The following KIF21B variants were observed in gnomAD, a reference collection of about 807,000 sequenced individuals.
KIF21B encodes kinesin family member 21B, also known as kinesin-like protein KIF21B.
Under a neutral mutation model 192.9 loss-of-function variants are expected in KIF21B, and 85 were observed. The ratio of observed to expected loss-of-function variants is 0.44; its 90% CI spans 0.37 to 0.53. The LOEUF is 0.53. KIF21B is among the 20% of genes least tolerant of loss of function. KIF21B has a pLI of 0.00. For synonymous variants in KIF21B, 832 were observed against 884.6 expected, an observed-to-expected ratio of 0.94 and a Z score of 1.05; for missense variants, 1,716 against 2,194.8, an observed-to-expected ratio of 0.78 and a Z score of 4.36.
intron 17 of KIF21B, 77 bp downstream of exon 17, chr1:200,991,580 G>A (rs1656699245): frequency 7.0e-7 from 1 of 1,437,726 alleles, no homozygotes; most frequent in African/African-American, 1.4e-5. Flanking sequence ...GCCCAAAAGA[G>A]AAGGCAAGCA....
chr1:200,995,773 T>C (rs910302156), intron 15 of KIF21B, among the ~76,000 whole-genome samples: 4 of 152,234 alleles, frequency 2.6e-5, no homozygotes, highest in Non-Finnish European at 4.4e-5. Context: ...GCCTGGAGCC[T>C]GGCCATAGTA....
At chr1:201,002,528 A>C in intron 8 of KIF21B, 178 bp from the exon 9 acceptor site, 1 of 578,158 alleles carries the variant, frequency 1.7e-6, no homozygotes, top group Non-Finnish European at 3.1e-6. Context: ...GTGATCAAAA[A>C]CCTTACACAG....
In KIF21B at chr1:201,017,935, G is replaced by T. The variant is rs1400817214; in HGVS notation, c.41+5408C>A. 6.6e-6 allele frequency among the ~76,000 whole-genome samples: 1 copy of T among 152,190 alleles called. No homozygotes were observed. The highest frequency in any genetic ancestry group is 2.4e-5 in the African/African-American group (1 of 41,438). On this transcript the variant is annotated intron_variant, in intron 1 of 34. Transcript: ENST00000461742. The surrounding 1 kb of genome is among the most constrained non-coding windows in gnomAD (Gnocchi z 4.1). The stretch of plus-strand genomic sequence containing the variant: ...ACTGCAGCCAACACTGCTGCCGCCT[G>T]CCCTGGAGCTTCACATAGGGATTGA...
intron 27 of KIF21B, 105 bp downstream of exon 27, chr1:200,984,754 C>T: frequency 1.4e-6 from 1 of 727,902 alleles, no homozygotes; most frequent in Non-Finnish European, 2.2e-6. Flanking sequence ...GAACTTCAGG[C>T]TGGGGTTGGC....
At chr1:201,006,536 C>T (rs1194871362) in intron 3 of KIF21B, among the ~76,000 whole-genome samples, 1 of 152,030 alleles carries the variant, frequency 6.6e-6, no homozygotes, top group Non-Finnish European at 1.5e-5. Context: ...AGAAATACCC[C>T]ACATGAATGG....
In KIF21B at chr1:200,991,090, T is replaced by A; in HGVS notation, c.2514A>T (p.Gly838=). The change falls in exon 18 of 35, where the codon GGA becomes GGT. Residue 838 remains glycine, a synonymous_variant. Coordinates refer to ENST00000461742, the MANE Select transcript of KIF21B (RefSeq NM_001252102.2). The part of the protein sequence containing the change: ...PMSERVAGRA[G]LKPPMLDSGA... ...CAGAGTCCAGCATGGGTGGCTTTAGTCCTGCACGCCCTGCCACCCGCTCAG... is the reference window on the plus strand; with the variant it reads ...CAGAGTCCAGCATGGGTGGCTTTAGACCTGCACGCCCTGCCACCCGCTCAG... 6 of 1,613,974 alleles carry A rather than the reference T, an allele frequency of 3.7e-6. No individual in the cohort carries two copies. Among genetic ancestry groups the A allele is most frequent in the Non-Finnish European group, 5.1e-6 (6 of 1,180,020 alleles).
chr1:200,996,206 T>C lies in KIF21B; in HGVS notation c.2267A>G (p.Lys756Arg), dbSNP rs911900092. 1.9e-6 allele frequency: 3 copies of C among 1,613,036 alleles called. No homozygotes were observed. The highest frequency in any genetic ancestry group is 2.5e-6 in the Non-Finnish European group (3 of 1,180,050). The change falls in exon 15 of 35, where the codon AAG (lysine) becomes AGG (arginine). Residue 756 changes from lysine to arginine, a missense_variant. By Grantham distance (26) the Lys-to-Arg change is conservative (BLOSUM62 2). Coordinates refer to ENST00000461742, the MANE Select transcript of KIF21B (RefSeq NM_001252102.2). The stretch of plus-strand genomic sequence containing the variant: ...ACCCTCGGCCCCTACCTTGGCCTTC[T>C]TCATCTCAGCCACCTCGGCCTGTAG... ...KKLQAEVAEM[K>R]KAKVALMKQM...
Position 201,000,505 on chromosome 1 carries a change from G to C in KIF21B, c.1570C>G (p.Pro524Ala). 1 of 1,610,524 alleles carries C rather than the reference G, an allele frequency of 6.2e-7. No homozygotes were observed. Among genetic ancestry groups the C allele is most frequent in the East Asian group, 2.2e-5 (1 of 44,794 alleles). ...PYSLGASPAAPAFGGSPASSM... is the reference protein window; with the variant it reads ...PYSLGASPAAAAFGGSPASSM... The stretch of plus-strand genomic sequence containing the variant: ...CTGGCAGGGCTGCCCCCGAAGGCCG[G>C]GGCGGCTGGAGAAGCACCCAGGGAG... The change falls in exon 11 of 35, where the codon CCG becomes GCG. Residue 524 changes from proline to alanine, a missense_variant. Physicochemically the swap from Pro to Ala is conservative, Grantham distance 27. Coordinates refer to ENST00000461742, the MANE Select transcript of KIF21B (RefSeq NM_001252102.2). This position sits in a 1 kb window ranked among gnomAD's most constrained non-coding sequence, Gnocchi z 6.0.
chr1:200,990,764 T>A lies in KIF21B; in HGVS notation c.2688-41A>T. On this transcript the variant is annotated intron_variant, in intron 18 of 34. Transcript: ENST00000461742. This position sits in a 1 kb window ranked among gnomAD's most constrained non-coding sequence, Gnocchi z 5.4. ...AAAGGGGATTGGATGGGACTCCTTT[T>A]AACCTCTGCAGCTCCACTGAGCCCC... 1 of 1,609,828 alleles carries A rather than the reference T, an allele frequency of 6.2e-7. No homozygotes were observed. The highest frequency in any genetic ancestry group is 8.5e-7 in the Non-Finnish European group (1 of 1,177,138).
rs1347465825 is a variant in KIF21B, at chr1:201,005,329, G to A, written c.711C>T (p.Arg237=). Residue 237 remains arginine, a synonymous_variant, in exon 5 of 35, where the codon CGC becomes CGT. Coordinates refer to ENST00000461742, the MANE Select transcript of KIF21B (RefSeq NM_001252102.2). ...TCACCAGGTCGGGCTGGGTGCACATGCGCATCTGGCACAGGTGGATGGTGA... is the reference window on the plus strand; with the variant it reads ...TCACCAGGTCGGGCTGGGTGCACATACGCATCTGGCACAGGTGGATGGTGA... ...AIFTIHLCQM[R]MCTQPDLVNE... 3.1e-6 allele frequency: 5 copies of A among 1,608,558 alleles called. No homozygotes were observed. The highest frequency in any genetic ancestry group is 3.4e-5 in the Admixed American group (2 of 59,472).
intron 26 of KIF21B, among the ~76,000 whole-genome samples, chr1:200,985,788 T>A (rs1057104874): frequency 3.0e-5 from 1 of 32,918 alleles, no homozygotes; most frequent in African/African-American, 1.5e-4. Flanking sequence ...CCCTTCCCCC[T>A]CCCCTCCCCT....
In KIF21B at chr1:200,979,599, C is replaced by T. The variant is rs1194551347; in HGVS notation, c.4096G>A (p.Val1366Met). The T allele has an allele frequency of 5.0e-6, 8 of 1,591,024 alleles. No homozygotes were observed. Among genetic ancestry groups the T allele is most frequent in the Non-Finnish European group, 6.0e-6 (7 of 1,169,042 alleles). ...YCSHSGLVFS[V>M]STSYIKVWDI... The stretch of plus-strand genomic sequence containing the variant: ...CACACCTTGATGTAGGAGGTGGACA[C>T]GGAGAACACAAGCCCCGAGTGGCTG... Residue 1366 changes from valine (V) to methionine (M), a missense_variant, in exon 30 of 35, where the codon GTG becomes ATG. Transcript: ENST00000461742.
At chr1:200,992,874 G>A (rs990060273) in intron 15 of KIF21B, among the ~76,000 whole-genome samples, 2 of 152,240 alleles carry the variant, frequency 1.3e-5, no homozygotes, top group Admixed American at 6.5e-5. Context: ...AGACCCAGCT[G>A]TATGCCAGGC....
chr1:201,002,081 C>T, intron 9 of KIF21B, 80 bp downstream of exon 9: 1 of 1,300,960 alleles, frequency 7.7e-7, no homozygotes, highest in Non-Finnish European at 1.1e-6. Context: ...CTTAGTCCAC[C>T]TGATACTCTG....
rs1658596258 is a variant in KIF21B, at chr1:201,017,913, G to A, written c.41+5430C>T. Among the ~76,000 whole-genome samples the A allele has an allele frequency of 6.6e-6, 1 of 152,194 alleles. No individual in the cohort carries two copies. Among genetic ancestry groups the A allele is most frequent in the South Asian group, 2.1e-4 (1 of 4,836 alleles). ...GAAAGTCCTCCAGAAACAGGGTACTGCAGCCAACACTGCTGCCGCCTGCCC... is the reference window on the plus strand; with the variant it reads ...GAAAGTCCTCCAGAAACAGGGTACTACAGCCAACACTGCTGCCGCCTGCCC... On this transcript the variant is annotated intron_variant, in intron 1 of 34. Transcript: ENST00000461742. This position sits in a 1 kb window ranked among gnomAD's most constrained non-coding sequence, Gnocchi z 4.1.
chr1:200,999,774 A>C lies in KIF21B; in HGVS notation c.1767+109T>G. 1 of 1,122,396 alleles carries C rather than the reference A, an allele frequency of 8.9e-7. No individual in the cohort carries two copies. Among genetic ancestry groups the C allele is most frequent in the South Asian group, 1.3e-5 (1 of 79,706 alleles). The allele number at this position is 1,122,396 out of a possible 1,614,324, so 69.5% of individuals were successfully genotyped here. On this transcript the variant is annotated intron_variant, in intron 12 of 34. Transcript: ENST00000461742. The surrounding 1 kb of genome is among the most constrained non-coding windows in gnomAD (Gnocchi z 4.7). ...AAGTACAAGGATCAACTGGATGCAG[A>C]CCCAACCGCCTCCTTCACTCCATAC...
At chr1:200,985,021 C>G (rs1656195295) in intron 26 of KIF21B, 49 bp from the exon 27 acceptor site, 1 of 1,360,810 alleles carries the variant, frequency 7.3e-7, no homozygotes, top group Non-Finnish European at 1.0e-6. Context: ...CCCCTGCCCA[C>G]AGGCCCCTAC....
chr1:200,974,593 A>C (rs1032012868), intron 34 of KIF21B, 121 bp downstream of exon 34: 104 of 1,013,964 alleles, frequency 1.0e-4, no homozygotes, highest in Non-Finnish European at 1.1e-4. Context: ...GCCACCATGG[A>C]ATCTGCTCTG....
At chr1:200,979,969 A>G (rs1229871706) in intron 29 of KIF21B, among the ~76,000 whole-genome samples, 1 of 152,220 alleles carries the variant, frequency 6.6e-6, no homozygotes, top group African/African-American at 2.4e-5. Flanking sequence ...ACTTTCCACT[A>G]ACACCAGAGT....
Sources: allele counts gnomAD v4.1 joint callset (sites outside exome capture counted in the v4.1 genomes callset), GRCh38; gene constraint gnomAD v4.1.1; non-coding constraint Gnocchi (gnomAD v3.1); transcripts MANE v1.5; gene names NCBI Gene and HGNC (gene_info 2026-07-23, HGNC 2026-07-21).